Variants in ARHGDIG observed in about 807,000 individuals in gnomAD.
ARHGDIG encodes rho GDP-dissociation inhibitor 3.
In ARHGDIG, 14 loss-of-function variants were observed where a neutral mutation model predicts 20.2. The observed-to-expected ratio is 0.69, with a 90% CI of 0.46 to 1.08. The LOEUF (loss-of-function observed/expected upper bound fraction) is 1.08. Ranked by LOEUF, ARHGDIG falls within the 50% of genes least tolerant of loss-of-function variation. The pLI is 0.00. For missense variants in ARHGDIG, 311 were observed against 301.8 expected (o/e 1.03, Z -0.23); for synonymous variants, 193 against 138.6 (o/e 1.39, Z -2.76).
chr16:281,500 G>A (rs2052282556), intron 1 of ARHGDIG: 1 of 481,868 alleles, frequency 2.1e-6, no homozygotes, highest in African/African-American at 1.9e-5. Context: ...GGCCCTTGTG[G>A]ACATCTGGGC....
rs768425562 is a variant in ARHGDIG, at chr16:282,415, C to A, written c.414+42C>A. The A allele has an allele frequency of 5.6e-6, 9 of 1,611,882 alleles. No individual in the cohort carries two copies. In the African/African-American group the frequency reaches 6.7e-5, roughly 12 times the overall value. On this transcript the variant is annotated intron_variant, in intron 4 of 5. Transcript: ENST00000219409. ...TGGGCGGAGGGGATGGGGGTGGGGG[C>A]AACAGCCAGAGGCCTGGCCCCCAGA...
chr16:282,207 C>T, intron 3 of ARHGDIG, 90 bp from the exon 4 acceptor site: 1 of 1,604,344 alleles, frequency 6.2e-7, no homozygotes, highest in South Asian at 1.1e-5. Flanking sequence ...CAGTCGCACA[C>T]CTCATGGGTA....
At position 282,834 on chromosome 16, in the gene ARHGDIG, C is replaced by T. The variant is rs773575505; in HGVS notation, c.*20C>T. 7.7e-6 allele frequency: 12 copies of T among 1,568,320 alleles called. No individual in the cohort carries two copies. Among genetic ancestry groups the T allele is most frequent in the East Asian group, 2.3e-5 (1 of 43,210 alleles). On this transcript the variant is annotated 3_prime_UTR_variant, in exon 6 of 6. Coordinates refer to ENST00000219409, the MANE Select transcript of ARHGDIG (RefSeq NM_001176.4). Reference sequence around the variant, plus strand: ...GACTGAACCCCCAGTCCGTGTCTCCCCTACCTCCCTCAGTTGTTGCACAGG... The same window carrying T: ...GACTGAACCCCCAGTCCGTGTCTCCTCTACCTCCCTCAGTTGTTGCACAGG...
At chr16:281,373 T>C in intron 1 of ARHGDIG, 1 of 181,666 alleles carries the variant, frequency 5.5e-6, no homozygotes. Flanking sequence ...CCCTAGAGGG[T>C]CAGTAGGTTT....
intron 1 of ARHGDIG, 167 bp from the exon 2 acceptor site, chr16:281,579 C>A: frequency 1.2e-6 from 1 of 821,068 alleles, no homozygotes; most frequent in Non-Finnish European, 1.8e-6. Context: ...GCGGCACCTC[C>A]CCAGGCCGCC....
chr16:282,247 G>C, intron 3 of ARHGDIG, 50 bp from the exon 4 acceptor site: 1 of 1,610,952 alleles, frequency 6.2e-7, no homozygotes, highest in Non-Finnish European at 8.5e-7. Flanking sequence ...TCCTGGAGCA[G>C]GTCTCAGCCT....
chr16:282,802 C>A lies in ARHGDIG; in HGVS notation c.666C>A (p.Asp222Glu), dbSNP rs200723353. 7 of 1,602,712 alleles carry A rather than the reference C, an allele frequency of 4.4e-6. No individual in the cohort carries two copies. The East Asian group carries it at 6.7e-5, about 15-fold the overall frequency. ...SWEWGLCICQ[D>E]WKD Reference sequence around the variant, plus strand: ...AGTGGGGTCTCTGCATCTGCCAGGACTGGAAGGACTGAACCCCCAGTCCGT... The same window carrying A: ...AGTGGGGTCTCTGCATCTGCCAGGAATGGAAGGACTGAACCCCCAGTCCGT... Residue 222 changes from aspartate (D) to glutamate (E), a missense_variant, in exon 6 of 6, where the codon GAC becomes GAA. By Grantham distance (45) the Asp-to-Glu change is conservative. Transcript: ENST00000219409.
In ARHGDIG at chr16:282,732, T is replaced by C. The variant is rs1374895743; in HGVS notation, c.596T>C (p.Val199Ala). 4 of 1,606,214 alleles carry C rather than the reference T, an allele frequency of 2.5e-6. No individual in the cohort carries two copies. The highest frequency in any genetic ancestry group is 3.4e-6 in the Non-Finnish European group (4 of 1,176,812). Residue 199 changes from valine to alanine, a missense_variant, in exon 6 of 6, where the codon GTG (valine) becomes GCG (alanine). Coordinates refer to ENST00000219409, the MANE Select transcript of ARHGDIG (RefSeq NM_001176.4). ...GALVRGPYLV[V>A]SLFTDDDRTH... Reference sequence around the variant, plus strand: ...CTGGTGCGGGGCCCCTATCTGGTGGTGTCCCTCTTCACCGACGATGACAGG... The same window carrying C: ...CTGGTGCGGGGCCCCTATCTGGTGGCGTCCCTCTTCACCGACGATGACAGG...
In ARHGDIG at chr16:282,783, G is replaced by T; in HGVS notation, c.647G>T (p.Gly216Val). Residue 216 changes from glycine (G) to valine (V), a missense_variant, in exon 6 of 6, where the codon GGT (glycine) becomes GTT (valine). Physicochemically the swap from Gly to Val is moderately radical, Grantham distance 109. Transcript: ENST00000219409. The stretch of plus-strand genomic sequence containing the variant: ...ACGCACCACCTGTCCTGGGAGTGGG[G>T]TCTCTGCATCTGCCAGGACTGGAAG... ...DRTHHLSWEW[G>V]LCICQDWKD is the part of the protein sequence containing the mutation. 3 of 1,608,024 alleles carry T rather than the reference G, an allele frequency of 1.9e-6. No homozygotes were observed. In the South Asian group the frequency reaches 3.3e-5, roughly 18 times the overall value.
In ARHGDIG at chr16:282,931, C is replaced by T; in HGVS notation, c.*117C>T. On this transcript the variant is annotated 3_prime_UTR_variant, in exon 6 of 6. Transcript: ENST00000219409. ...CCTGCTGCCCCTGCTGCCCCTGCTG[C>T]CCCTGCTCTGTCCCGGGACCCCCTG... 3 of 1,141,328 alleles carry T rather than the reference C, an allele frequency of 2.6e-6. No homozygotes were observed. The East Asian group carries it at 7.9e-5, about 30-fold the overall frequency. The allele number at this position is 1,141,328 out of a possible 1,614,324, so 70.7% of individuals were successfully genotyped here.
intron 1 of ARHGDIG, 110 bp from the exon 2 acceptor site, chr16:281,636 T>G (rs1266371088): frequency 3.5e-5 from 45 of 1,270,170 alleles, no homozygotes; most frequent in Non-Finnish European, 4.2e-5. Context: ...AGGCTTCCCT[T>G]GAGTCCCTTT....
At chr16:282,238 C>G (rs2052293688) in intron 3 of ARHGDIG, 59 bp from the exon 4 acceptor site, 4 of 1,610,314 alleles carry the variant, frequency 2.5e-6, no homozygotes, top group African/African-American at 1.3e-5. Context: ...CGTGGGGGCT[C>G]CTGGAGCAGG....
rs1260275619 is a variant in ARHGDIG at position 282,826 on chromosome 16, G to A, written c.*12G>A. 6.3e-6 allele frequency: 10 copies of A among 1,580,758 alleles called. No individual in the cohort carries two copies. The highest frequency in any genetic ancestry group is 5.7e-5 in the South Asian group (5 of 87,446). ...ACTGGAAGGACTGAACCCCCAGTCCGTGTCTCCCCTACCTCCCTCAGTTGT... is the reference window on the plus strand; with the variant it reads ...ACTGGAAGGACTGAACCCCCAGTCCATGTCTCCCCTACCTCCCTCAGTTGT... On this transcript the variant is annotated 3_prime_UTR_variant, in exon 6 of 6. Coordinates refer to ENST00000219409, the MANE Select transcript of ARHGDIG (RefSeq NM_001176.4).
chr16:281,748 C>G lies in ARHGDIG; in HGVS notation c.76C>G (p.Leu26Val). 6.3e-7 allele frequency: 1 copy of G among 1,585,902 alleles called. No individual in the cohort carries two copies. Among genetic ancestry groups the G allele is most frequent in the Non-Finnish European group, 8.6e-7 (1 of 1,167,136 alleles). ...CTCACGCCCCTCCCCACCCCCAGTC[C>G]TCCTGGCTGACAAGGAGGGTGGGCC... is the stretch of plus-strand genomic sequence containing the variant. ...LLRLALCARV[L>V]LADKEGGPPA... The change falls in exon 2 of 6, where the codon CTC (leucine) becomes GTC (valine). Residue 26 changes from leucine to valine, a missense_variant and splice_region_variant. Physicochemically the swap from Leu to Val is conservative, Grantham distance 32 (BLOSUM62 1). Transcript: ENST00000219409.
In ARHGDIG at chr16:280,657, G is replaced by T. The variant is rs1232989497; in HGVS notation, c.-24G>T. 1.2e-6 allele frequency: 1 copy of T among 850,926 alleles called. No individual in the cohort carries two copies. The highest frequency in any genetic ancestry group is 1.3e-6 in the Non-Finnish European group (1 of 770,114). 52.7% of individuals were successfully genotyped at this position (850,926 alleles called of 1,614,324 possible). A position where few individuals can be genotyped will look rare whatever the true frequency, so the allele number is the denominator to read the frequency against. The stretch of plus-strand genomic sequence containing the variant: ...CGGGCGGCGGCTCCTCGGCGGCTCC[G>T]CGGCGCCCGGGCCGCGCGCCGCCAT... On this transcript the variant is annotated 5_prime_UTR_variant, in exon 1 of 6. Coordinates refer to ENST00000219409, the MANE Select transcript of ARHGDIG (RefSeq NM_001176.4). The surrounding 1 kb of genome is among the most constrained non-coding windows in gnomAD (Gnocchi z 6.6).
In ARHGDIG at chr16:282,806, A is replaced by C; in HGVS notation, c.670A>C (p.Lys224Gln). 6.2e-7 allele frequency: 1 copy of C among 1,601,806 alleles called. No individual in the cohort carries two copies. The highest frequency in any genetic ancestry group is 8.5e-7 in the Non-Finnish European group (1 of 1,176,296). ...GGGTCTCTGCATCTGCCAGGACTGG[A>C]AGGACTGAACCCCCAGTCCGTGTCT... ...EWGLCICQDW[K>Q]D The change falls in exon 6 of 6, where the codon AAG becomes CAG. Residue 224 changes from lysine (K) to glutamine (Q), a missense_variant. Lys to Gln is a moderately conservative substitution (Grantham distance 53). Coordinates refer to ENST00000219409, the MANE Select transcript of ARHGDIG (RefSeq NM_001176.4).
chr16:282,544 T>TGG lies in ARHGDIG; in HGVS notation c.478+19_478+20dup. 9 of 289,514 alleles carry TGG rather than the reference T, an allele frequency of 3.1e-5. No individual in the cohort carries two copies. Among genetic ancestry groups the TGG allele is most frequent in the East Asian group, 8.5e-5 (1 of 11,784 alleles). 17.9% of individuals were successfully genotyped at this position (289,514 alleles called of 1,614,324 possible). On this transcript the variant is annotated intron_variant, in intron 5 of 5. Transcript: ENST00000219409. The stretch of plus-strand genomic sequence containing the variant: ...GGGGCCTGCGCGGTGAGGGCAGCGG[T>TGG]GGGGGGAACGGGGCGGGGGGGGGAA...
At position 282,830 on chromosome 16, in the gene ARHGDIG, C is replaced by T. The variant is rs1170138984; in HGVS notation, c.*16C>T. 3 of 1,569,656 alleles carry T rather than the reference C, an allele frequency of 1.9e-6. No individual in the cohort carries two copies. The highest frequency in any genetic ancestry group is 2.6e-6 in the Non-Finnish European group (3 of 1,162,234). On this transcript the variant is annotated 3_prime_UTR_variant, in exon 6 of 6. Coordinates refer to ENST00000219409, the MANE Select transcript of ARHGDIG (RefSeq NM_001176.4). ...GAAGGACTGAACCCCCAGTCCGTGT[C>T]TCCCCTACCTCCCTCAGTTGTTGCA...
Position 282,946 on chromosome 16 carries a change from G to A in ARHGDIG, c.*132G>A, listed in dbSNP as rs536906466. 3.3e-4 allele frequency: 312 copies of A among 937,796 alleles called. 5 individuals are homozygous for A. In the South Asian group the frequency reaches 3.4e-3, roughly 10 times the overall value. 58.1% of individuals were successfully genotyped at this position (937,796 alleles called of 1,614,324 possible). On this transcript the variant is annotated 3_prime_UTR_variant, in exon 6 of 6. Coordinates refer to ENST00000219409, the MANE Select transcript of ARHGDIG (RefSeq NM_001176.4). Reference sequence around the variant, plus strand: ...GCCCCTGCTGCCCCTGCTCTGTCCCGGGACCCCCTGGCCTGGCGCTGTCCC... The same window carrying A: ...GCCCCTGCTGCCCCTGCTCTGTCCCAGGACCCCCTGGCCTGGCGCTGTCCC...
Sources: gnomAD v4.1 joint callset for allele counts on GRCh38, gnomAD v4.1.1 for gene constraint, Gnocchi (gnomAD v3.1) non-coding constraint, MANE v1.5 for transcripts, NCBI Gene and HGNC (gene_info 2026-07-23, HGNC 2026-07-21) for gene names.